PPP1R9A: variants seen among roughly 807,000 people sequenced by gnomAD.
PPP1R9A encodes the protein protein phosphatase 1 regulatory subunit 9A.
A neutral mutation model predicts 141.9 loss-of-function variants in PPP1R9A; 59 were observed. The ratio of observed to expected loss-of-function variants is 0.42; its 90% confidence interval spans 0.34 to 0.52. The LOEUF (loss-of-function observed/expected upper bound fraction) is 0.52, where lower values mean the gene tolerates loss of function less well. Among genes scored for constraint, PPP1R9A ranks in the 20% least tolerant of loss-of-function variants. The pLI is 0.10. For missense variants in PPP1R9A, 1,444 were observed against 1,611.9 expected, an observed-to-expected ratio of 0.90 and a Z score of 1.78; for synonymous variants, 500 against 569.7, an observed-to-expected ratio of 0.88 and a Z score of 1.74.
At chr7:95,172,060 T>A (rs189163642) in intron 5 of PPP1R9A, among the ~76,000 whole-genome samples, 13 of 151,724 alleles carry the variant, frequency 8.6e-5, no homozygotes, top group Non-Finnish European at 1.2e-4. Context: ...TAGATTTTTT[T>A]AAAAAAGCTC....
intron 3 of PPP1R9A, among the ~76,000 whole-genome samples, chr7:95,115,194 CTT>C (rs1416929922): frequency 2.6e-5 from 4 of 151,926 alleles, no homozygotes; most frequent in Non-Finnish European, 5.9e-5. Context: ...TGAAAGTAAA[CTT>C]ATGCAAATTA....
At chr7:95,051,211 A>C (rs1322362937) in intron 2 of PPP1R9A, among the ~76,000 whole-genome samples, 1 of 150,208 alleles carries the variant, frequency 6.7e-6, no homozygotes, top group Non-Finnish European at 1.5e-5. Context: ...AGGGATGTCC[A>C]GTTATTCCAG....
At chr7:94,972,648 C>T (rs759702227) in intron 2 of PPP1R9A, among the ~76,000 whole-genome samples, 1 of 152,166 alleles carries the variant, frequency 6.6e-6, no homozygotes, top group Admixed American at 6.6e-5. Context: ...GAGTTTTCTT[C>T]CCAGGAACTG....
chr7:95,173,779 T>C (rs1261350009), intron 5 of PPP1R9A, among the ~76,000 whole-genome samples: 1 of 152,036 alleles, frequency 6.6e-6, no homozygotes, highest in Non-Finnish European at 1.5e-5. Context: ...TGCTTAACAT[T>C]ATTAGTTATT....
intron 2 of PPP1R9A, among the ~76,000 whole-genome samples, chr7:95,052,509 A>AT (rs535267938): frequency 3.3e-5 from 5 of 152,172 alleles, no homozygotes; most frequent in Non-Finnish European, 7.3e-5. Context: ...AAGATAAGAA[A>AT]TACAAGCAAG....
At chr7:95,149,150 A>G (rs1470184130) in intron 4 of PPP1R9A, among the ~76,000 whole-genome samples, 1 of 152,142 alleles carries the variant, frequency 6.6e-6, no homozygotes, top group Non-Finnish European at 1.5e-5. Flanking sequence ...GAAAAATAAC[A>G]TGATTATATC....
chr7:95,126,325 C>A (rs1175827554), intron 4 of PPP1R9A, among the ~76,000 whole-genome samples: 3 of 152,102 alleles, frequency 2.0e-5, no homozygotes, highest in African/African-American at 7.2e-5. Flanking sequence ...ATTAAACAAA[C>A]CCTAGAAAAA....
chr7:95,199,728 C>T (rs951730030), intron 6 of PPP1R9A, among the ~76,000 whole-genome samples: 1 of 152,120 alleles, frequency 6.6e-6, no homozygotes, highest in African/African-American at 2.4e-5. Flanking sequence ...ATTTTCATTA[C>T]ACTGAGATAT....
At chr7:94,971,561 T>G (rs114548793) in intron 2 of PPP1R9A, among the ~76,000 whole-genome samples, 1 of 152,206 alleles carries the variant, frequency 6.6e-6, no homozygotes, top group African/African-American at 2.4e-5. Flanking sequence ...TCTTGAGAAT[T>G]CACAGTTTTC....
At chr7:94,946,220 G>A (rs73423084) in intron 2 of PPP1R9A, among the ~76,000 whole-genome samples, 1 of 151,932 alleles carries the variant, frequency 6.6e-6, no homozygotes, top group African/African-American at 2.4e-5. Flanking sequence ...CTCTAAAATG[G>A]GGAATAGATA....
chr7:94,967,067 A>T (rs1257488356), intron 2 of PPP1R9A, among the ~76,000 whole-genome samples: 1 of 152,126 alleles, frequency 6.6e-6, no homozygotes, highest in Non-Finnish European at 1.5e-5. Flanking sequence ...TCAGGAATTT[A>T]TCCATTTCTT....
At chr7:94,982,982 A>T (rs1049291036) in intron 2 of PPP1R9A, among the ~76,000 whole-genome samples, 3 of 152,006 alleles carry the variant, frequency 2.0e-5, no homozygotes, top group Non-Finnish European at 2.9e-5. Context: ...ATCCATCTTG[A>T]ATTAATTTTT....
intron 2 of PPP1R9A, among the ~76,000 whole-genome samples, chr7:95,043,374 C>T (rs1394836375): frequency 2.6e-5 from 4 of 152,120 alleles, no homozygotes; most frequent in Non-Finnish European, 5.9e-5. Flanking sequence ...ATATTTTGGA[C>T]AGTAATAACA....
chr7:95,209,434 G>A (rs540746976), intron 7 of PPP1R9A, among the ~76,000 whole-genome samples: 14 of 152,172 alleles, frequency 9.2e-5, no homozygotes, highest in African/African-American at 2.4e-4. Context: ...TGTGGGAAGC[G>A]GTTACATGCA....
chr7:95,003,536 A>G (rs1803219860), intron 2 of PPP1R9A, among the ~76,000 whole-genome samples: 1 of 152,200 alleles, frequency 6.6e-6, no homozygotes, highest in South Asian at 2.1e-4. Context: ...GAACAAAAAT[A>G]TAACCCTGGT....
rs71961632 is a variant in PPP1R9A, at chr7:95,070,593, G to GTATA, written c.1396-40651_1396-40648dup. Among the ~76,000 whole-genome samples, 354 of 111,898 alleles carry GTATA rather than the reference G, an allele frequency of 3.2e-3. 15 individuals carry two copies. The highest frequency in any genetic ancestry group is 0.012 in the East Asian group (58 of 5,032). 73.4% of individuals were successfully genotyped at this position (111,898 alleles called of 152,430 possible). ...ATTTCAATTATTTTTTAAATCTCTG[G>GTATA]TATATATATATATATATACACACAC... On this transcript the variant is annotated intron_variant, in intron 2 of 19. Transcript: ENST00000433360.
At chr7:95,239,476 G>A (rs933916904) in intron 8 of PPP1R9A, among the ~76,000 whole-genome samples, 5 of 152,098 alleles carry the variant, frequency 3.3e-5, no homozygotes, top group African/African-American at 9.7e-5. Context: ...GGAGGATCAC[G>A]TTAGCCTGGG....
intron 2 of PPP1R9A, among the ~76,000 whole-genome samples, chr7:95,038,892 C>G (rs1349736009): frequency 6.6e-6 from 1 of 151,876 alleles, no homozygotes; most frequent in Non-Finnish European, 1.5e-5. Context: ...TTAAAGAAAC[C>G]CATAGTTAAA....
At chr7:95,005,423 T>A (rs2151560988) in intron 2 of PPP1R9A, among the ~76,000 whole-genome samples, 1 of 152,254 alleles carries the variant, frequency 6.6e-6, no homozygotes, top group South Asian at 2.1e-4. Flanking sequence ...ATAAACTTTT[T>A]AAAAAAGTTT....
Sources: allele counts gnomAD v4.1 joint callset (sites outside exome capture counted in the v4.1 genomes callset), GRCh38; gene constraint gnomAD v4.1.1; transcripts MANE v1.5; gene names NCBI Gene and HGNC (gene_info 2026-07-23, HGNC 2026-07-21).